The following CLK3 variants were observed in gnomAD, a reference collection of about 807,000 sequenced individuals.
CLK3 encodes dual specificity protein kinase CLK3.
CLK3 carries 24 observed loss-of-function variants against 65.2 expected under a neutral mutation model. The observed-to-expected ratio is 0.37, with a 90% CI of 0.27 to 0.52. CLK3 has a LOEUF of 0.52. CLK3 is among the 20% of genes least tolerant of loss of function. The probability of loss-of-function intolerance (pLI) is 0.92; values close to 1 mark genes in which losing one functional copy is unlikely to be tolerated. For synonymous variants in CLK3, 252 were observed against 240.8 expected, an observed-to-expected ratio of 1.05 and a Z score of -0.43; for missense variants, 506 against 660.0, an observed-to-expected ratio of 0.77 and a Z score of 2.56.
In CLK3 at chr15:74,620,217, G is replaced by A. The variant is rs148465298; in HGVS notation, c.361G>A (p.Ala121Thr). Reference sequence around the variant, plus strand: ...ACGCCGCACCAGGTCTTGTAGCAGCGCCTCCTCGGTGAGTGGTAGCCAGAG... The same window carrying A: ...ACGCCGCACCAGGTCTTGTAGCAGCACCTCCTCGGTGAGTGGTAGCCAGAG... ...HKRRTRSCSSASSRSQQSSKR... is the reference protein window; with the variant it reads ...HKRRTRSCSSTSSRSQQSSKR... Residue 121 changes from alanine (A) to threonine (T), a missense_variant, in exon 3 of 13, where the codon GCC (alanine) becomes ACC (threonine). This residue lies in a region of CLK3 where 325 missense variants were observed against 500.5 expected (regional missense o/e 0.65). Transcript: ENST00000395066. 3 of 1,613,988 alleles carry A rather than the reference G, an allele frequency of 1.9e-6. No homozygotes were observed. The highest frequency in any genetic ancestry group is 1.1e-5 in the South Asian group (1 of 91,074).
At chr15:74,623,446 T>C (rs919097114) in intron 5 of CLK3, among the ~76,000 whole-genome samples, 4 of 152,226 alleles carry the variant, frequency 2.6e-5, no homozygotes, top group Non-Finnish European at 4.4e-5. Flanking sequence ...GCTGTAGTGC[T>C]CCTACATTAA....
At position 74,627,632 on chromosome 15, in the gene CLK3, G is replaced by A; in HGVS notation, c.1006G>A (p.Ala336Thr). The A allele has an allele frequency of 6.2e-7, 1 of 1,613,996 alleles. No homozygotes were observed. The highest frequency in any genetic ancestry group is 1.1e-5 in the South Asian group (1 of 91,066). ...CCATGAGCACCACACCACCATTGTGGCCACCCGTCACTATCGCCCGCCTGA... is the reference window on the plus strand; with the variant it reads ...CCATGAGCACCACACCACCATTGTGACCACCCGTCACTATCGCCCGCCTGA... ...FDHEHHTTIV[A>T]TRHYRPPEVI... Residue 336 changes from alanine (A) to threonine (T), a missense_variant, in exon 9 of 13, where the codon GCC (alanine) becomes ACC (threonine). Transcript: ENST00000395066. The surrounding 1 kb of genome is among the most constrained non-coding windows in gnomAD (Gnocchi z 4.3).
intron 1 of CLK3, among the ~76,000 whole-genome samples, chr15:74,618,724 C>T (rs2062078454): frequency 6.6e-6 from 1 of 152,234 alleles, no homozygotes; most frequent in Non-Finnish European, 1.5e-5. Flanking sequence ...GCTTCTCAAA[C>T]TTGAGGGCTT....
chr15:74,620,109 G>A lies in CLK3; in HGVS notation c.253G>A (p.Gly85Arg). Reference protein sequence around the residue: ...RSPSFGEDYYGPSRSRHRRRS... With the variant: ...RSPSFGEDYYRPSRSRHRRRS... ...CCCATCCTTTGGAGAGGACTACTAT[G>A]GACCTTCACGTTCTCGTCATCGTCG... The change falls in exon 3 of 13, where the codon GGA (glycine) becomes AGA (arginine). Residue 85 changes from glycine (G) to arginine (R), a missense_variant. Physicochemically the swap from Gly to Arg is moderately radical, Grantham distance 125 (BLOSUM62 -2). Coordinates refer to ENST00000395066, the MANE Select transcript of CLK3 (RefSeq NM_001130028.2). 1 of 1,614,188 alleles carries A rather than the reference G, an allele frequency of 6.2e-7. No individual in the cohort carries two copies.
chr15:74,627,297 G>T lies in CLK3; in HGVS notation c.818-55G>T, dbSNP rs1815137231. 3.6e-6 allele frequency: 5 copies of T among 1,405,462 alleles called. No homozygotes were observed. In the Admixed American group the frequency reaches 8.4e-5, roughly 24 times the overall value. The allele number at this position is 1,405,462 out of a possible 1,614,324, so 87.1% of individuals were successfully genotyped here. A position where few individuals can be genotyped will look rare whatever the true frequency, so the allele number is the denominator to read the frequency against. The stretch of plus-strand genomic sequence containing the variant: ...TGGAAGAGGGGTCTGGCCTAGAGCT[G>T]GCAGGAGAGCCAGCTTCTCAGTGCC... On this transcript the variant is annotated intron_variant, in intron 7 of 12. Coordinates refer to ENST00000395066, the MANE Select transcript of CLK3 (RefSeq NM_001130028.2). The surrounding 1 kb of genome is among the most constrained non-coding windows in gnomAD (Gnocchi z 4.3).
intron 12 of CLK3, chr15:74,629,494 A>G: frequency 1.7e-6 from 1 of 587,114 alleles, no homozygotes; most frequent in Non-Finnish European, 3.0e-6. Flanking sequence ...ACCCAGCAAG[A>G]CACCTAGTAG....
At position 74,629,717 on chromosome 15, in the gene CLK3, T is replaced by G. The variant is rs1388792575; in HGVS notation, c.1307T>G (p.Leu436Arg). 5.6e-6 allele frequency: 9 copies of G among 1,612,058 alleles called. No homozygotes were observed. Among genetic ancestry groups the G allele is most frequent in the African/African-American group, 1.3e-5 (1 of 74,812 alleles). The stretch of plus-strand genomic sequence containing the variant: ...TGTGTCCCTGAGCAGAGTTACATGC[T>G]CCAAGACTCCCTGGAGCACGTGCAG... ...ENCKPLKSYM[L>R]QDSLEHVQLF... is the part of the protein sequence containing the mutation. Residue 436 changes from leucine to arginine, a missense_variant, in exon 13 of 13, where the codon CTC (leucine) becomes CGC (arginine). Physicochemically the swap from Leu to Arg is moderately radical, Grantham distance 102. This residue lies in a region of CLK3 where 325 missense variants were observed against 500.5 expected (regional missense o/e 0.65). Coordinates refer to ENST00000395066, the MANE Select transcript of CLK3 (RefSeq NM_001130028.2).
upstream of CLK3, among the ~76,000 whole-genome samples, chr15:74,611,840 C>T (rs537212418): frequency 6.4e-4 from 97 of 152,334 alleles, no homozygotes; most frequent in African/African-American, 2.3e-3. Flanking sequence ...GTCTTGGCTT[C>T]CCAAAGCACC....
intron 1 of CLK3, among the ~76,000 whole-genome samples, chr15:74,609,750 C>T (rs1596278284): frequency 6.6e-6 from 1 of 152,232 alleles, no homozygotes; most frequent in South Asian, 2.1e-4. Flanking sequence ...AGGCCTGGCA[C>T]CAGCATCTCC....
chr15:74,629,102 C>A, intron 12 of CLK3, 70 bp downstream of exon 12: 3 of 1,173,902 alleles, frequency 2.6e-6, no homozygotes, highest in Non-Finnish European at 3.9e-6. Flanking sequence ...AGACATACAG[C>A]AGAGACAGGC....
upstream of CLK3, among the ~76,000 whole-genome samples, chr15:74,614,608 C>A (rs898356081): frequency 1.3e-5 from 2 of 152,240 alleles, no homozygotes; most frequent in Non-Finnish European, 2.9e-5. Context: ...CGCCTTGAAA[C>A]CCCCCGTTTC....
intron 12 of CLK3, 24 bp from the exon 13 acceptor site, chr15:74,629,683 G>A (rs1236416462): frequency 1.3e-6 from 2 of 1,591,156 alleles, no homozygotes; most frequent in African/African-American, 2.7e-5. Flanking sequence ...CCGTCACACT[G>A]AGGCACCTTG....
At chr15:74,615,526 C>T, upstream of CLK3, 2 of 1,291,440 alleles carry the variant, frequency 1.5e-6, no homozygotes, top group Non-Finnish European at 2.0e-6. Flanking sequence ...GCGGGCCCAG[C>T]CCCACGGCCA....
chr15:74,613,065 T>A (rs529426505), upstream of CLK3: 1 of 152,352 alleles, frequency 6.6e-6, no homozygotes, highest in South Asian at 2.1e-4. Context: ...CAGAGGTGAA[T>A]TAACTGCCTC....
chr15:74,623,100 C>G (rs912651414), intron 5 of CLK3, among the ~76,000 whole-genome samples: 5 of 152,188 alleles, frequency 3.3e-5, no homozygotes, highest in Non-Finnish European at 7.3e-5. Context: ...CTGAGTGTGC[C>G]TGGGAGAGTG....
At position 74,625,790 on chromosome 15, in the gene CLK3, C is replaced by T; in HGVS notation, c.651-12C>T. 1 of 1,530,652 alleles carries T rather than the reference C, an allele frequency of 6.5e-7. No homozygotes were observed. The allele number at this position is 1,530,652 out of a possible 1,614,324, so 94.8% of individuals were successfully genotyped here. ...GCACACAGCCTGAGCCCTGCCCATC[C>T]TCCTCCTCCAGCCTGTGTGTCTTGA... On this transcript the variant is annotated splice_polypyrimidine_tract_variant and intron_variant, in intron 6 of 12. Transcript: ENST00000395066.
chr15:74,627,419 G>A lies in CLK3; in HGVS notation c.885G>A (p.Glu295=). ...KPENILFVNS[E]FETLYNEHKS... is the part of the protein sequence containing the mutation. ...AGAACATCCTGTTTGTGAATTCTGA[G>A]TTTGAAACCCTCTACAATGAGCACA... Residue 295 remains glutamate (E), a synonymous_variant, in exon 8 of 13, where the codon GAG becomes GAA. Transcript: ENST00000395066. This position sits in a 1 kb window ranked among gnomAD's most constrained non-coding sequence, Gnocchi z 4.3. 6.2e-7 allele frequency: 1 copy of A among 1,614,186 alleles called. No individual in the cohort carries two copies. Among genetic ancestry groups the A allele is most frequent in the Non-Finnish European group, 8.5e-7 (1 of 1,180,012 alleles).
intron 10 of CLK3, among the ~76,000 whole-genome samples, chr15:74,628,276 T>C (rs574569551): frequency 6.6e-6 from 1 of 151,830 alleles, no homozygotes; most frequent in Non-Finnish European, 1.5e-5. Context: ...CCATCGAGGA[T>C]GGAGGATGGG....
chr15:74,622,069 C>G lies in CLK3; in HGVS notation c.370-51C>G. On this transcript the variant is annotated intron_variant, in intron 3 of 12. Coordinates refer to ENST00000395066, the MANE Select transcript of CLK3 (RefSeq NM_001130028.2). This position sits in a 1 kb window ranked among gnomAD's most constrained non-coding sequence, Gnocchi z 4.6. ...TGACACCTCAATCTGTCAATCGGAA[C>G]CGCCTACCATGCGATTGGTCGGATG... 6.5e-7 allele frequency: 1 copy of G among 1,550,186 alleles called. No individual in the cohort carries two copies. The highest frequency in any genetic ancestry group is 8.9e-7 in the Non-Finnish European group (1 of 1,122,454).
Sources: gnomAD v4.1 joint callset for allele counts (sites outside exome capture counted in the v4.1 genomes callset) on GRCh38, gnomAD v4.1.1 for gene constraint, gnomAD v4.1.1 regional missense constraint, Gnocchi (gnomAD v3.1) non-coding constraint, MANE v1.5 for transcripts, NCBI Gene and HGNC (gene_info 2026-07-23, HGNC 2026-07-21) for gene names.